Variants in PBX1 observed in about 807,000 individuals in gnomAD.
PBX1 encodes the protein pre-B-cell leukemia transcription factor 1.
Under a neutral mutation model 53.4 loss-of-function variants are expected in PBX1, and 6 were observed. That is an observed-to-expected ratio of 0.11 (90% CI 0.06 to 0.22). The LOEUF (loss-of-function observed/expected upper bound fraction) is 0.22, where lower values mean the gene tolerates loss of function less well. Ranked by LOEUF, PBX1 falls within the 10% of genes least tolerant of loss-of-function variation. PBX1 has a pLI of 1.00. For missense variants in PBX1, 251 were observed against 551.4 expected (o/e 0.46, Z 5.46); for synonymous variants, 204 against 212.3 (o/e 0.96, Z 0.34).
intron 2 of PBX1, among the ~76,000 whole-genome samples, chr1:164,591,256 C>T (rs1408562859): frequency 6.6e-6 from 1 of 152,172 alleles, no homozygotes; most frequent in African/African-American, 2.4e-5. Context: ...AAGTGATCTG[C>T]CTGCCTCAGC....
intron 2 of PBX1, among the ~76,000 whole-genome samples, chr1:164,595,176 C>T (rs186557435): frequency 1.4e-3 from 208 of 152,288 alleles, no homozygotes; most frequent in Non-Finnish European, 2.7e-3. Context: ...AATTTCCTTA[C>T]TCTACAAGAA....
intron 2 of PBX1, among the ~76,000 whole-genome samples, chr1:164,619,791 C>T (rs1192433411): frequency 6.6e-6 from 1 of 152,112 alleles, no homozygotes; most frequent in African/African-American, 2.4e-5. Context: ...TTTTTAGATC[C>T]AGAAGTAGGG....
chr1:164,652,904 CTG>C (rs1158774166), intron 2 of PBX1, among the ~76,000 whole-genome samples: 4 of 149,882 alleles, frequency 2.7e-5, no homozygotes, highest in Non-Finnish European at 5.9e-5. Context: ...GAGTCTCACT[CTG>C]TCGCTCAGGC....
At chr1:164,643,045 G>A (rs138356211) in intron 2 of PBX1, among the ~76,000 whole-genome samples, 228 of 152,282 alleles carry the variant, frequency 1.5e-3, no homozygotes, top group African/African-American at 5.0e-3. Context: ...TAATTCTGCC[G>A]TTAATTTTGT....
chr1:164,566,514 T>C (rs1653444093), intron 2 of PBX1, among the ~76,000 whole-genome samples: 1 of 152,186 alleles, frequency 6.6e-6, no homozygotes, highest in Admixed American at 6.5e-5. Context: ...AATATAACAC[T>C]TTCTTTTGGA....
intron 2 of PBX1, among the ~76,000 whole-genome samples, chr1:164,582,799 A>G (rs932623297): frequency 6.6e-6 from 1 of 152,152 alleles, no homozygotes; most frequent in African/African-American, 2.4e-5. Flanking sequence ...ATTATATTTC[A>G]TGTTTTACCA....
chr1:164,766,176 G>C (rs1667049200), intron 2 of PBX1, among the ~76,000 whole-genome samples: 1 of 152,148 alleles, frequency 6.6e-6, no homozygotes, highest in Non-Finnish European at 1.5e-5. Flanking sequence ...AAGCTGAGAA[G>C]GGGGAGATTA....
chr1:164,624,359 T>C (rs1374574165), intron 2 of PBX1, among the ~76,000 whole-genome samples: 2 of 152,228 alleles, frequency 1.3e-5, no homozygotes, highest in Non-Finnish European at 2.9e-5. Context: ...ATTGTGTCTA[T>C]CAACATTTTG....
intron 2 of PBX1, among the ~76,000 whole-genome samples, chr1:164,778,163 G>A (rs141041106): frequency 4.6e-5 from 7 of 152,174 alleles, no homozygotes; most frequent in Non-Finnish European, 8.8e-5. Flanking sequence ...TAAGACCAAG[G>A]TCTTACAACA....
At chr1:164,777,650 A>G (rs1667736615) in intron 2 of PBX1, among the ~76,000 whole-genome samples, 1 of 152,214 alleles carries the variant, frequency 6.6e-6, no homozygotes. Flanking sequence ...TATTCTGTTC[A>G]TAATTATTTA....
At chr1:164,563,346 T>C (rs1327214567) in intron 2 of PBX1, 35 bp downstream of exon 2, 2 of 1,431,152 alleles carry the variant, frequency 1.4e-6, no homozygotes, top group Admixed American at 1.7e-5. Context: ...AGCATTTTCT[T>C]TGGCCAATTA....
intron 2 of PBX1, among the ~76,000 whole-genome samples, chr1:164,751,048 A>T (rs911385587): frequency 6.6e-6 from 1 of 151,872 alleles, no homozygotes; most frequent in Non-Finnish European, 1.5e-5. Flanking sequence ...GGGTGCGGTG[A>T]CTCATGCCTG....
intron 6 of PBX1, chr1:164,814,884 T>C (rs559914221): frequency 6.6e-6 from 1 of 152,326 alleles, no homozygotes; most frequent in South Asian, 2.1e-4. Flanking sequence ...GTTCCATGTC[T>C]CCTATCTTCT....
At chr1:164,638,673 A>G (rs1162681093) in intron 2 of PBX1, among the ~76,000 whole-genome samples, 4 of 152,222 alleles carry the variant, frequency 2.6e-5, no homozygotes, top group Non-Finnish European at 5.9e-5. Context: ...CAAAGCAGTC[A>G]GGAGCGATAA....
chr1:164,591,871 T>C (rs1449777525), intron 2 of PBX1, among the ~76,000 whole-genome samples: 1 of 152,232 alleles, frequency 6.6e-6, no homozygotes, highest in East Asian at 1.9e-4. Context: ...TGGATTCTTG[T>C]TTCTTGTGAG....
At chr1:164,624,341 TAATCTG>T (rs1020279895) in intron 2 of PBX1, among the ~76,000 whole-genome samples, 3 of 152,204 alleles carry the variant, frequency 2.0e-5, no homozygotes, top group African/African-American at 7.2e-5. Flanking sequence ...AGCTCAGAAA[TAATCTG>T]TATTGTGTCT....
At chr1:164,845,328 G>A (rs1008243157) in intron 8 of PBX1, among the ~76,000 whole-genome samples, 3 of 140,288 alleles carry the variant, frequency 2.1e-5, no homozygotes, top group Non-Finnish European at 4.8e-5. Context: ...AAATGGGAAC[G>A]GCATACTCCA....
At chr1:164,799,673 C>A in intron 3 of PBX1, 26 bp from the exon 4 acceptor site, 9 of 1,596,808 alleles carry the variant, frequency 5.6e-6, no homozygotes, top group South Asian at 1.1e-5. Context: ...CCCTCAATGA[C>A]GGTGTTGATT....
At chr1:164,578,513 C>T (rs1374005112) in intron 2 of PBX1, among the ~76,000 whole-genome samples, 1 of 152,166 alleles carries the variant, frequency 6.6e-6, no homozygotes, top group Admixed American at 6.5e-5. Flanking sequence ...ATTTGTGAAA[C>T]TTCTCCCATG....
Sources: gnomAD v4.1 joint callset for allele counts (sites outside exome capture counted in the v4.1 genomes callset) on GRCh38, gnomAD v4.1.1 for gene constraint, MANE v1.5 for transcripts, NCBI Gene and HGNC (gene_info 2026-07-23, HGNC 2026-07-21) for gene names.